The following TGFA variants were observed in gnomAD, a reference collection of about 807,000 sequenced individuals.
TGFA encodes the protein protransforming growth factor alpha.
A neutral mutation model predicts 21.7 loss-of-function variants in TGFA; 12 were observed. The ratio of observed to expected loss-of-function variants is 0.55; its 90% CI spans 0.35 to 0.90. The LOEUF (loss-of-function observed/expected upper bound fraction) is 0.90, where lower values mean the gene tolerates loss of function less well. Among genes scored for constraint, TGFA ranks in the 40% least tolerant of loss-of-function variants. The pLI is 0.01. For missense variants in TGFA, 178 were observed against 210.8 expected, an observed-to-expected ratio of 0.84 and a Z score of 0.96; for synonymous variants, 79 against 88.1, an observed-to-expected ratio of 0.90 and a Z score of 0.58.
chr2:70,549,560 T>C (rs1553506479), intron 1 of TGFA, among the ~76,000 whole-genome samples: 1 of 152,196 alleles, frequency 6.6e-6, no homozygotes, highest in Admixed American at 6.5e-5. Flanking sequence ...CTGTAGAGGA[T>C]ACTACAGAGG....
chr2:70,517,901 T>C (rs781902784), intron 1 of TGFA, among the ~76,000 whole-genome samples: 1 of 152,232 alleles, frequency 6.6e-6, no homozygotes, highest in Admixed American at 6.5e-5. Context: ...CAAGGTCTAA[T>C]GAGGGGCAAA....
chr2:70,463,002 G>C (rs6729950), intron 3 of TGFA, among the ~76,000 whole-genome samples: 24,977 of 151,906 alleles, frequency 0.16, 2,195 homozygotes, highest in African/African-American at 0.2. Context: ...AAGCAAAAGA[G>C]CTGAGTGGTT....
chr2:70,465,055 GC>G (rs1559102193), intron 3 of TGFA, among the ~76,000 whole-genome samples: 2 of 152,188 alleles, frequency 1.3e-5, no homozygotes, highest in African/African-American at 4.8e-5. Context: ...ACTTCGAGAA[GC>G]CCCCCAAGGA....
At chr2:70,492,051 T>C (rs542301027) in intron 2 of TGFA, among the ~76,000 whole-genome samples, 2 of 152,302 alleles carry the variant, frequency 1.3e-5, no homozygotes, top group East Asian at 3.9e-4. Flanking sequence ...TCATGCCTTA[T>C]ATTCACAGGA....
chr2:70,449,222 C>G lies in TGFA; in HGVS notation c.*1637G>C, dbSNP rs782203508. 4 of 152,074 alleles carry G rather than the reference C, an allele frequency of 2.6e-5. No homozygotes were observed. The highest frequency in any genetic ancestry group is 5.9e-5 in the Non-Finnish European group (4 of 68,010). 9.4% of individuals were successfully genotyped at this position (152,074 alleles called of 1,614,324 possible). On this transcript the variant is annotated 3_prime_UTR_variant, in exon 6 of 6. Transcript: ENST00000295400. ...AAAGAGAAAATTCATAGAAATTGTT[C>G]TTCCAGACCAAGGAAGAAGAATTAG...
Position 70,521,609 on chromosome 2 carries a change from G to GTTTTTTTT in TGFA, c.41-6698_41-6697insAAAAAAAA, listed in dbSNP as rs797022948. ...ACTATTGATAGTTTTTTTTGTTGTTGTTTGTTTGTTTTTTTTTTTTTTTTT... is the reference window on the plus strand; with the variant it reads ...ACTATTGATAGTTTTTTTTGTTGTTGTTTTTTTTTTTGTTTGTTTTTTTTTTTTTTTTT... On this transcript the variant is annotated intron_variant, in intron 1 of 5. Coordinates refer to ENST00000295400, the MANE Select transcript of TGFA (RefSeq NM_003236.4). Among the ~76,000 whole-genome samples, 734 of 78,610 alleles carry GTTTTTTTT rather than the reference G, an allele frequency of 9.3e-3. 66 individuals carry two copies. Among genetic ancestry groups the GTTTTTTTT allele is most frequent in the Admixed American group, 0.026 (143 of 5,584 alleles). 51.6% of individuals were successfully genotyped at this position (78,610 alleles called of 152,430 possible).
intron 2 of TGFA, among the ~76,000 whole-genome samples, chr2:70,470,744 T>A (rs1450888162): frequency 6.6e-6 from 1 of 152,108 alleles, no homozygotes; most frequent in Non-Finnish European, 1.5e-5. Flanking sequence ...AGGCTTAGAG[T>A]GCAAGTTCCT....
chr2:70,497,437 G>T (rs1170981078), intron 2 of TGFA, among the ~76,000 whole-genome samples: 1 of 152,092 alleles, frequency 6.6e-6, no homozygotes, highest in Non-Finnish European at 1.5e-5. Flanking sequence ...AATCTCCAAG[G>T]TCCACAACCA....
At chr2:70,495,546 T>C (rs1671549906) in intron 2 of TGFA, among the ~76,000 whole-genome samples, 1 of 152,210 alleles carries the variant, frequency 6.6e-6, no homozygotes, top group African/African-American at 2.4e-5. Flanking sequence ...GTCTCTCTAT[T>C]AGTCAAATAA....
intron 3 of TGFA, among the ~76,000 whole-genome samples, chr2:70,458,951 T>C (rs993425823): frequency 1.3e-5 from 2 of 152,190 alleles, no homozygotes; most frequent in Admixed American, 6.5e-5. Flanking sequence ...GATTATCAGA[T>C]TTGTAACCAG....
At chr2:70,469,504 T>G (rs1252913701) in intron 2 of TGFA, among the ~76,000 whole-genome samples, 1 of 151,976 alleles carries the variant, frequency 6.6e-6, no homozygotes, top group Non-Finnish European at 1.5e-5. Flanking sequence ...CCCAGCTAAT[T>G]TTTGTATCTT....
chr2:70,479,937 A>T (rs1204779324), intron 2 of TGFA, among the ~76,000 whole-genome samples: 1 of 152,200 alleles, frequency 6.6e-6, no homozygotes, highest in Non-Finnish European at 1.5e-5. Context: ...ATATGATGAA[A>T]TCCTTTCTTG....
At chr2:70,524,080 A>G (rs543374728) in intron 1 of TGFA, among the ~76,000 whole-genome samples, 54 of 152,308 alleles carry the variant, frequency 3.5e-4, no homozygotes, top group African/African-American at 1.3e-3. Flanking sequence ...GTGATGCAAC[A>G]ACTCACACTG....
intron 1 of TGFA, among the ~76,000 whole-genome samples, chr2:70,524,870 T>C (rs1290312341): frequency 1.3e-5 from 2 of 152,194 alleles, no homozygotes; most frequent in Admixed American, 6.5e-5. Context: ...GAAGGATCCA[T>C]GGGGAGGTTA....
chr2:70,462,240 T>C (rs1670425674), intron 3 of TGFA, among the ~76,000 whole-genome samples: 1 of 152,216 alleles, frequency 6.6e-6, no homozygotes, highest in Admixed American at 6.5e-5. Context: ...TGGGAATTCA[T>C]TAATTAGAAC....
intron 2 of TGFA, among the ~76,000 whole-genome samples, chr2:70,474,764 T>C (rs1434538179): frequency 6.6e-6 from 1 of 152,200 alleles, no homozygotes; most frequent in East Asian, 1.9e-4. Context: ...TGAATTGCTT[T>C]TGCAGCTTCA....
intron 4 of TGFA, among the ~76,000 whole-genome samples, chr2:70,455,924 A>G (rs1216939521): frequency 1.3e-5 from 2 of 152,216 alleles, no homozygotes; most frequent in African/African-American, 4.8e-5. Flanking sequence ...AACAGCAACA[A>G]TGGCCCTCGA....
rs916481667 is a variant in TGFA at position 70,502,274 on chromosome 2, C to A, written c.94+12585G>T. On this transcript the variant is annotated intron_variant, in intron 2 of 5. Transcript: ENST00000295400. ...AGTGTTTTGGCATCTACTGGAATAG[C>A]GGGTTCCATGACCCTACTTCCCAAC... Among the ~76,000 whole-genome samples the A allele has an allele frequency of 2.0e-5, 3 of 152,314 alleles. No homozygotes were observed. The South Asian group carries it at 6.2e-4, about 32-fold the overall frequency.
In TGFA at chr2:70,478,018, ATGCCCTG is replaced by A. The variant is rs1423714702; in HGVS notation, c.95-12289_95-12283del. ...CTGGGAGCCTCATCCAAACATCAAC[ATGCCCTG>A]TGCTTACAATCTGAAGTCAATCTGG... is the stretch of plus-strand genomic sequence containing the variant. On this transcript the variant is annotated intron_variant, in intron 2 of 5. Coordinates refer to ENST00000295400, the MANE Select transcript of TGFA (RefSeq NM_003236.4). Among the ~76,000 whole-genome samples, 3 of 152,232 alleles carry A rather than the reference ATGCCCTG, an allele frequency of 2.0e-5. No homozygotes were observed. The East Asian group carries it at 5.8e-4, about 29-fold the overall frequency.
Sources: gnomAD v4.1 joint callset for allele counts (sites outside exome capture counted in the v4.1 genomes callset) on GRCh38, gnomAD v4.1.1 for gene constraint, MANE v1.5 for transcripts, NCBI Gene and HGNC (gene_info 2026-07-23, HGNC 2026-07-21) for gene names.